Variants in SLCO1B1 observed in about 807,000 individuals in gnomAD.
SLCO1B1 encodes OATP-2.
In SLCO1B1, 81 loss-of-function variants were observed where a neutral mutation model predicts 70.1. The ratio of observed to expected loss-of-function variants is 1.16; its 90% CI spans 0.97 to 1.39. The LOEUF (loss-of-function observed/expected upper bound fraction) is 1.39, where lower values mean the gene tolerates loss of function less well. Among genes scored for constraint, SLCO1B1 ranks in the 40% most tolerant of loss-of-function variants. The pLI is 0.00. For missense variants in SLCO1B1, 895 were observed against 799.6 expected, an observed-to-expected ratio of 1.12 and a Z score of -1.44; for synonymous variants, 283 against 271.5, an observed-to-expected ratio of 1.04 and a Z score of -0.42.
chr12:21,182,039 A>G (rs775162831), intron 7 of SLCO1B1, among the ~76,000 whole-genome samples: 1 of 152,186 alleles, frequency 6.6e-6, no homozygotes, highest in Admixed American at 6.5e-5. Flanking sequence ...GAGGAAGCCC[A>G]AAATATTGAA....
At chr12:21,209,814 G>T (rs1452091868) in intron 11 of SLCO1B1, among the ~76,000 whole-genome samples, 1 of 151,888 alleles carries the variant, frequency 6.6e-6, no homozygotes, top group Non-Finnish European at 1.5e-5. Context: ...GGCCAGTGAT[G>T]ATGAGCATTT....
At chr12:21,158,840 CA>C (rs1016769643) in intron 2 of SLCO1B1, among the ~76,000 whole-genome samples, 8 of 149,756 alleles carry the variant, frequency 5.3e-5, no homozygotes, top group South Asian at 2.1e-4. Flanking sequence ...TTTACTAAAA[CA>C]AAAAAAAAGA....
intron 13 of SLCO1B1, among the ~76,000 whole-genome samples, chr12:21,223,427 A>G (rs2121191674): frequency 6.6e-6 from 1 of 152,328 alleles, no homozygotes; most frequent in South Asian, 2.1e-4. Context: ...TGATTAGGAC[A>G]AAGTTTATTA....
chr12:21,187,005 A>T (rs1268735459), intron 7 of SLCO1B1, among the ~76,000 whole-genome samples: 1 of 152,124 alleles, frequency 6.6e-6, no homozygotes, highest in Non-Finnish European at 1.5e-5. Flanking sequence ...CAAATGAGAG[A>T]AAGTGAACAA....
intron 2 of SLCO1B1, among the ~76,000 whole-genome samples, chr12:21,150,371 G>A (rs1193291901): frequency 6.6e-6 from 1 of 152,112 alleles, no homozygotes. Context: ...CCTTAAGTGG[G>A]TCCCTGACTC....
chr12:21,176,765 T>A lies in SLCO1B1; in HGVS notation c.360-11T>A, dbSNP rs777607309. On this transcript the variant is annotated splice_polypyrimidine_tract_variant and intron_variant, in intron 4 of 14. Coordinates refer to ENST00000256958, the MANE Select transcript of SLCO1B1 (RefSeq NM_006446.5). ...ATAAGCAAAATGTTTAATTCAGTGATGTTCTTACAGTTACAGGTATTCTAA... is the reference window on the plus strand; with the variant it reads ...ATAAGCAAAATGTTTAATTCAGTGAAGTTCTTACAGTTACAGGTATTCTAA... The A allele has an allele frequency of 6.6e-6, 10 of 1,518,898 alleles. No individual in the cohort carries two copies. The South Asian group carries it at 1.1e-4, about 17-fold the overall frequency. The allele number at this position is 1,518,898 out of a possible 1,614,324, so 94.1% of individuals were successfully genotyped here.
intron 5 of SLCO1B1, 99 bp downstream of exon 5, chr12:21,176,996 G>T (rs1174042246): frequency 1.1e-6 from 1 of 876,928 alleles, no homozygotes; most frequent in Non-Finnish European, 1.9e-6. Flanking sequence ...ATTTAATTAA[G>T]AATGAATAGG....
intron 14 of SLCO1B1, among the ~76,000 whole-genome samples, chr12:21,230,628 C>G (rs763789416): frequency 1.8e-4 from 28 of 151,952 alleles, no homozygotes; most frequent in Non-Finnish European, 3.2e-4. Context: ...CCATGCCCAG[C>G]CCTCTGTAGT....
At chr12:21,134,968 T>C (rs574958044) in intron 1 of SLCO1B1, among the ~76,000 whole-genome samples, 4 of 152,350 alleles carry the variant, frequency 2.6e-5, no homozygotes, top group South Asian at 4.1e-4. Context: ...CTTGTGGGCA[T>C]TTAGTGCTAT....
chr12:21,176,436 C>T (rs1940822050), intron 4 of SLCO1B1, among the ~76,000 whole-genome samples: 1 of 151,926 alleles, frequency 6.6e-6, no homozygotes, highest in South Asian at 2.1e-4. Flanking sequence ...GAAGATAATT[C>T]AAAAGGATGA....
At chr12:21,195,789 G>A (rs888975177) in intron 7 of SLCO1B1, among the ~76,000 whole-genome samples, 3 of 152,088 alleles carry the variant, frequency 2.0e-5, no homozygotes, top group African/African-American at 7.2e-5. Flanking sequence ...ATTTTCCGTA[G>A]CCTCCAAAGG....
At chr12:21,131,509 A>G (rs995487416) in intron 1 of SLCO1B1, among the ~76,000 whole-genome samples, 4 of 152,080 alleles carry the variant, frequency 2.6e-5, no homozygotes, top group Non-Finnish European at 4.4e-5. Context: ...TTTCCAAACA[A>G]ATAAAAATCA....
At chr12:21,145,760 T>C (rs928480296) in intron 2 of SLCO1B1, among the ~76,000 whole-genome samples, 4 of 152,106 alleles carry the variant, frequency 2.6e-5, no homozygotes, top group Admixed American at 6.6e-5. Context: ...AAAATGGTAC[T>C]TTGTTTTAGT....
intron 2 of SLCO1B1, among the ~76,000 whole-genome samples, chr12:21,143,448 G>A (rs1462690223): frequency 6.6e-6 from 1 of 151,982 alleles, no homozygotes; most frequent in African/African-American, 2.4e-5. Context: ...AAAGATGAGA[G>A]AAACCTTAAT....
rs111279867 is a variant in SLCO1B1, at chr12:21,179,029, A to C, written c.727+9A>C. 1 of 1,527,914 alleles carries C rather than the reference A, an allele frequency of 6.5e-7. No individual in the cohort carries two copies. The highest frequency in any genetic ancestry group is 2.3e-5 in the East Asian group (1 of 44,342). The allele number at this position is 1,527,914 out of a possible 1,614,324, so 94.6% of individuals were successfully genotyped here. A position where few individuals can be genotyped will look rare whatever the true frequency, so the allele number is the denominator to read the frequency against. On this transcript the variant is annotated intron_variant, in intron 7 of 14. Coordinates refer to ENST00000256958, the MANE Select transcript of SLCO1B1 (RefSeq NM_006446.5). ...TGGATATGTAGATCTAAGTAAGTAC[A>C]ACCAGAACAAGGTACCATGATAACG...
chr12:21,220,734 G>A (rs759988892), intron 12 of SLCO1B1, among the ~76,000 whole-genome samples: 26 of 151,336 alleles, frequency 1.7e-4, no homozygotes, highest in African/African-American at 4.6e-4. Context: ...GTTCACAGGA[G>A]TTGAACCTGG....
chr12:21,205,788 T>C, intron 10 of SLCO1B1, 80 bp from the exon 11 acceptor site: 1 of 1,063,764 alleles, frequency 9.4e-7, no homozygotes, highest in Non-Finnish European at 1.4e-6. Context: ...GCTTTCACTT[T>C]ACTTCTTCCT....
intron 13 of SLCO1B1, among the ~76,000 whole-genome samples, chr12:21,222,581 T>C (rs553186180): frequency 2.6e-5 from 4 of 151,364 alleles, no homozygotes; most frequent in African/African-American, 9.7e-5. Context: ...TAAAATTGAG[T>C]GATGGACCTA....
chr12:21,207,652 A>G (rs936344336), intron 11 of SLCO1B1, among the ~76,000 whole-genome samples: 1 of 152,030 alleles, frequency 6.6e-6, no homozygotes, highest in Non-Finnish European at 1.5e-5. Context: ...TCCTTTGGGT[A>G]TATACCCGGT....
Sources: gnomAD v4.1 joint callset for allele counts (sites outside exome capture counted in the v4.1 genomes callset) on GRCh38, gnomAD v4.1.1 for gene constraint, MANE v1.5 for transcripts, NCBI Gene and HGNC (gene_info 2026-07-23, HGNC 2026-07-21) for gene names.